ANKH: variants seen among roughly 807,000 people sequenced by gnomAD.
ANKH encodes mineralization regulator ANKH.
Under a neutral mutation model 49.0 loss-of-function variants are expected in ANKH, and 15 were observed. That is an observed-to-expected ratio of 0.31 (90% CI 0.20 to 0.47). The LOEUF (loss-of-function observed/expected upper bound fraction) is 0.47, where lower values mean the gene tolerates loss of function less well. ANKH is among the 20% of genes least tolerant of loss of function. The pLI, the probability that ANKH is intolerant of heterozygous loss-of-function variation, is 1.00. For missense variants in ANKH, 429 were observed against 652.0 expected, an observed-to-expected ratio of 0.66 and a Z score of 3.72; for synonymous variants, 273 against 260.0, an observed-to-expected ratio of 1.05 and a Z score of -0.48.
intron 1 of ANKH, among the ~76,000 whole-genome samples, chr5:14,811,000 G>A (rs1740864508): frequency 9.1e-6 from 1 of 109,928 alleles, no homozygotes; most frequent in East Asian, 5.0e-4. Flanking sequence ...GGGTGAAGAA[G>A]GAAGGGGGGG....
chr5:14,855,848 G>GA (rs796584176), intron 1 of ANKH, among the ~76,000 whole-genome samples: 2,456 of 119,848 alleles, frequency 0.02, 47 homozygotes, highest in African/African-American at 0.057. Flanking sequence ...AAAAGAAAAA[G>GA]AAAAAAAAAA....
chr5:14,778,465 C>A (rs746258191), intron 1 of ANKH, among the ~76,000 whole-genome samples: 1 of 152,144 alleles, frequency 6.6e-6, no homozygotes, highest in Non-Finnish European at 1.5e-5. Context: ...ACCTCCTCCG[C>A]GCCAGTGACC....
intron 2 of ANKH, among the ~76,000 whole-genome samples, chr5:14,767,452 A>T (rs1739292718): frequency 1.3e-5 from 2 of 152,240 alleles, no homozygotes; most frequent in South Asian, 4.1e-4. Flanking sequence ...AATAATGATT[A>T]TTAAATATAT....
chr5:14,775,178 C>G (rs1362943381), intron 1 of ANKH, among the ~76,000 whole-genome samples: 8 of 152,106 alleles, frequency 5.3e-5, no homozygotes, highest in Non-Finnish European at 1.0e-4. Flanking sequence ...CCTGCCTCAG[C>G]CTCCTGAGTG....
rs78907060 is a variant in ANKH, at chr5:14,829,284, A to G, written c.96+42068T>C. Among the ~76,000 whole-genome samples the G allele has an allele frequency of 3.6e-4, 55 of 152,146 alleles. No individual in the cohort carries two copies. In the East Asian group the frequency reaches 7.9e-3, roughly 22 times the overall value. On this transcript the variant is annotated intron_variant, in intron 1 of 11. Transcript: ENST00000284268. ...CTTACTGTCCATTGTAATGAAGAGT[A>G]CAAGAGAATCCAGAAAGGCTTACCC...
In ANKH at chr5:14,868,029, A is replaced by G. The variant is rs188480987; in HGVS notation, c.96+3323T>C. Among the ~76,000 whole-genome samples the G allele has an allele frequency of 3.3e-5, 5 of 152,340 alleles. No homozygotes were observed. In the East Asian group the frequency reaches 7.7e-4, roughly 23 times the overall value. ...ATTTGGTTTCCTCCCTGACTGAGCT[A>G]TAAAATGACTAAGAAATCTATATAC... On this transcript the variant is annotated intron_variant, in intron 1 of 11. Coordinates refer to ENST00000284268, the MANE Select transcript of ANKH (RefSeq NM_054027.6).
chr5:14,845,623 G>A (rs917222717), intron 1 of ANKH, among the ~76,000 whole-genome samples: 1 of 152,050 alleles, frequency 6.6e-6, no homozygotes, highest in Non-Finnish European at 1.5e-5. Flanking sequence ...CATAGAGAGT[G>A]CTGGTGTTTC....
At chr5:14,854,417 C>T (rs901245566) in intron 1 of ANKH, among the ~76,000 whole-genome samples, 5 of 152,328 alleles carry the variant, frequency 3.3e-5, no homozygotes, top group South Asian at 2.1e-4. Context: ...TGGTGGCTCA[C>T]GCCTGTAATC....
chr5:14,854,243 C>A (rs1742196150), intron 1 of ANKH, among the ~76,000 whole-genome samples: 1 of 152,174 alleles, frequency 6.6e-6, no homozygotes, highest in South Asian at 2.1e-4. Context: ...AGATCCAACA[C>A]TAAGTATTCA....
Position 14,745,142 on chromosome 5 carries a change from T to C in ANKH, c.915+728A>G, listed in dbSNP as rs1356475424. 3.3e-5 allele frequency among the ~76,000 whole-genome samples: 5 copies of C among 152,250 alleles called. No homozygotes were observed. Among genetic ancestry groups the C allele is most frequent in the African/African-American group, 1.2e-4 (5 of 41,468 alleles). On this transcript the variant is annotated intron_variant, in intron 7 of 11. Transcript: ENST00000284268. The surrounding 1 kb of genome is among the most constrained non-coding windows in gnomAD (Gnocchi z 4.7). ...CCCTTCACGGTAAGAAGTAGCAGTC[T>C]GTTTGCTTCCTTCCTGTGTATCATT...
At chr5:14,718,794 G>C (rs1580004009) in intron 8 of ANKH, among the ~76,000 whole-genome samples, 1 of 150,742 alleles carries the variant, frequency 6.6e-6, no homozygotes, top group South Asian at 2.1e-4. Flanking sequence ...ACTCCAGCCT[G>C]GGCAACAAAA....
chr5:14,789,942 T>A (rs541330966), intron 1 of ANKH, among the ~76,000 whole-genome samples: 9 of 152,302 alleles, frequency 5.9e-5, no homozygotes, highest in Non-Finnish European at 1.0e-4. Flanking sequence ...ACTCCTGGGC[T>A]CAAGCGATCT....
chr5:14,829,396 TCAAA>T (rs1267142006), intron 1 of ANKH, among the ~76,000 whole-genome samples: 1 of 152,078 alleles, frequency 6.6e-6, no homozygotes, highest in African/African-American at 2.4e-5. Context: ...GAATAATTCA[TCAAA>T]CAATCAAAAG....
rs553815382 is a variant in ANKH at position 14,713,407 on chromosome 5, GAC to G, written c.1265+135_1265+136del. The G allele has an allele frequency of 3.1e-4, 402 of 1,301,176 alleles. No homozygotes were observed. The African/African-American group carries it at 5.0e-3, about 16-fold the overall frequency. The allele number at this position is 1,301,176 out of a possible 1,614,324, so 80.6% of individuals were successfully genotyped here. A position where few individuals can be genotyped will look rare whatever the true frequency, so the allele number is the denominator to read the frequency against. On this transcript the variant is annotated intron_variant, in intron 10 of 11. Coordinates refer to ENST00000284268, the MANE Select transcript of ANKH (RefSeq NM_054027.6). This position sits in a 1 kb window ranked among gnomAD's most constrained non-coding sequence, Gnocchi z 4.4. ...AGAGCCTCCACCTGGTGCCTGGGCA[GAC>G]ACACAAAACATCATTCTGAATTTCC...
intron 1 of ANKH, among the ~76,000 whole-genome samples, chr5:14,809,479 G>T (rs1347112767): frequency 1.3e-5 from 2 of 151,996 alleles, no homozygotes; most frequent in African/African-American, 4.8e-5. Flanking sequence ...GATGACTTGA[G>T]CCCAGGAAGG....
At chr5:14,869,769 C>T (rs1332110404) in intron 1 of ANKH, 2 of 152,214 alleles carry the variant, frequency 1.3e-5, no homozygotes, top group Non-Finnish European at 2.9e-5. Context: ...ACACAGACTA[C>T]TCTTATTTCC....
intron 2 of ANKH, 102 bp from the exon 3 acceptor site, chr5:14,758,700 T>C (rs1305206662): frequency 1.1e-5 from 10 of 936,728 alleles, no homozygotes; most frequent in African/African-American, 3.3e-5. Flanking sequence ...GTAGTATTTG[T>C]TCGTCATAGA....
intron 1 of ANKH, among the ~76,000 whole-genome samples, chr5:14,795,379 C>A (rs571200053): frequency 8.8e-4 from 134 of 152,282 alleles, no homozygotes; most frequent in Middle Eastern, 3.4e-3. Context: ...TTATTCTGAA[C>A]TAGAGAGATC....
intron 1 of ANKH, among the ~76,000 whole-genome samples, chr5:14,837,272 T>C (rs1352470976): frequency 6.6e-6 from 1 of 151,840 alleles, no homozygotes; most frequent in Non-Finnish European, 1.5e-5. Flanking sequence ...AATAGACAAA[T>C]GGGATCTAAT....
Sources: allele counts gnomAD v4.1 joint callset (sites outside exome capture counted in the v4.1 genomes callset), GRCh38; gene constraint gnomAD v4.1.1; non-coding constraint Gnocchi (gnomAD v3.1); transcripts MANE v1.5; gene names NCBI Gene and HGNC (gene_info 2026-07-23, HGNC 2026-07-21).